The following PDXK variants were observed in gnomAD, a reference collection of about 807,000 sequenced individuals.
PDXK encodes epididymis secretory sperm binding protein Li 1a.
A neutral mutation model predicts 43.2 loss-of-function variants in PDXK; 15 were observed. The ratio of observed to expected loss-of-function variants is 0.35; its 90% CI spans 0.23 to 0.53. The LOEUF is 0.53. PDXK is among the 20% of genes least tolerant of loss of function. The pLI is 0.92. For missense variants in PDXK, 343 were observed against 417.0 expected (o/e 0.82, Z 1.54); for synonymous variants, 172 against 165.4 (o/e 1.04, Z -0.31).
chr21:43,752,002 T>G (rs1309479265), intron 7 of PDXK, among the ~76,000 whole-genome samples: 1 of 152,188 alleles, frequency 6.6e-6, no homozygotes, highest in East Asian at 1.9e-4. Context: ...CGGAGGCCTT[T>G]CGCTGACCTG....
chr21:43,752,857 T>G (rs1291626881), intron 8 of PDXK, among the ~76,000 whole-genome samples: 1 of 152,152 alleles, frequency 6.6e-6, no homozygotes, highest in Non-Finnish European at 1.5e-5. Flanking sequence ...CCCAGCATCA[T>G]AGGCCTCCCT....
intron 2 of PDXK, 64 bp from the exon 3 acceptor site, chr21:43,741,603 G>C (rs774461793): frequency 1.9e-6 from 3 of 1,589,536 alleles, no homozygotes; most frequent in Non-Finnish European, 2.6e-6. Flanking sequence ...CGGGTGTCAA[G>C]GGAAGCCCAC....
At position 43,735,867 on chromosome 21, in the gene PDXK, G is replaced by A. The variant is rs1010621668; in HGVS notation, c.142+1744G>A. Among the ~76,000 whole-genome samples the A allele has an allele frequency of 3.9e-5, 6 of 152,184 alleles. No homozygotes were observed. The highest frequency in any genetic ancestry group is 1.4e-4 in the African/African-American group (6 of 41,452). On this transcript the variant is annotated intron_variant, in intron 2 of 10. Coordinates refer to ENST00000291565, the MANE Select transcript of PDXK (RefSeq NM_003681.5). The surrounding 1 kb of genome is among the most constrained non-coding windows in gnomAD (Gnocchi z 5.3). ...AGGTGTCACTCTCCCCTGCACCGGGGCCCTTCTGCCTGCTCCCCTTCCCTC... is the reference window on the plus strand; with the variant it reads ...AGGTGTCACTCTCCCCTGCACCGGGACCCTTCTGCCTGCTCCCCTTCCCTC...
intron 2 of PDXK, among the ~76,000 whole-genome samples, chr21:43,739,995 G>A (rs1023471558): frequency 6.6e-5 from 10 of 151,852 alleles, no homozygotes; most frequent in Admixed American, 2.0e-4. Context: ...GCCCGCAGTG[G>A]ATACCACCTG....
intron 9 of PDXK, among the ~76,000 whole-genome samples, chr21:43,755,111 G>A (rs2299811): frequency 0.17 from 25,297 of 152,198 alleles, 2,335 homozygotes; most frequent in Middle Eastern, 0.31. Context: ...TCACATTCTG[G>A]GTTTGGCCAG....
intron 1 of PDXK, chr21:43,719,793 C>T: frequency 1.0e-6 from 1 of 985,468 alleles, no homozygotes; most frequent in Non-Finnish European, 1.2e-6. Context: ...CGGGACCTTG[C>T]CCCGCTGGAA....
chr21:43,748,410 C>G (rs954035700), intron 5 of PDXK: 1 of 152,256 alleles, frequency 6.6e-6, no homozygotes, highest in African/African-American at 2.4e-5. Context: ...TCGCTTGAAC[C>G]CAGGAGGTGG....
intron 1 of PDXK, among the ~76,000 whole-genome samples, chr21:43,725,864 CTCCT>C (rs1268370840): frequency 1.3e-5 from 2 of 152,072 alleles, no homozygotes; most frequent in Non-Finnish European, 2.9e-5. Context: ...AAAAGTGTGC[CTCCT>C]TCCTTCCTCC....
intron 2 of PDXK, chr21:43,738,176 A>AGCCCTGAT: frequency 2.6e-6 from 1 of 386,888 alleles, no homozygotes; most frequent in Non-Finnish European, 3.5e-6. Context: ...AGGTTAAAAG[A>AGCCCTGAT]GGCCATCAGG....
chr21:43,733,627 CT>C, intron 1 of PDXK: 1 of 1,043,898 alleles, frequency 9.6e-7, no homozygotes, highest in Non-Finnish European at 1.2e-6. Flanking sequence ...GGCCTGACTT[CT>C]TCCAAGGGGT....
rs2083632552 is a variant in PDXK, at chr21:43,746,004, G to C, written c.332-75G>C. 6 of 1,194,198 alleles carry C rather than the reference G, an allele frequency of 5.0e-6. No individual in the cohort carries two copies. The East Asian group carries it at 1.4e-4, about 28-fold the overall frequency. The allele number at this position is 1,194,198 out of a possible 1,614,324, so 74.0% of individuals were successfully genotyped here. A position where few individuals can be genotyped will look rare whatever the true frequency, so the allele number is the denominator to read the frequency against. On this transcript the variant is annotated intron_variant, in intron 4 of 10. Transcript: ENST00000291565. ...AGAGCAAGACCCTGTCTTAAAAAAA[G>C]AAGAAAGAAATGTGGAGGGTTTCTT...
intron 2 of PDXK, among the ~76,000 whole-genome samples, chr21:43,739,737 G>A (rs1027133275): frequency 6.6e-6 from 1 of 151,812 alleles, no homozygotes; most frequent in Non-Finnish European, 1.5e-5. Flanking sequence ...TGCAATTCAA[G>A]ATGAGATTTG....
At chr21:43,750,025 C>A (rs377635054) in intron 6 of PDXK, among the ~76,000 whole-genome samples, 1 of 152,204 alleles carries the variant, frequency 6.6e-6, no homozygotes, top group Non-Finnish European at 1.5e-5. Context: ...CTTGAGCCCC[C>A]CCATTCACGC....
Position 43,755,955 on chromosome 21 carries a change from G to T in PDXK, c.831G>T (p.Gln277His). ...TGCTCTCTGCCTGCCCCGCAGCCCAGGCCGGGGAAGGAGTGAGGCCCAGCC... is the reference window on the plus strand; with the variant it reads ...TGCTCTCTGCCTGCCCCGCAGCCCATGCCGGGGAAGGAGTGAGGCCCAGCC... ...LQRTIQCAKA[Q>H]AGEGVRPSPM... Residue 277 changes from glutamine to histidine, a missense_variant, in exon 11 of 11, where the codon CAG becomes CAT. Coordinates refer to ENST00000291565, the MANE Select transcript of PDXK (RefSeq NM_003681.5). 1 of 1,608,316 alleles carries T rather than the reference G, an allele frequency of 6.2e-7. No homozygotes were observed.
chr21:43,720,876 C>T (rs2083201219), intron 1 of PDXK, among the ~76,000 whole-genome samples: 1 of 152,184 alleles, frequency 6.6e-6, no homozygotes, highest in African/African-American at 2.4e-5. Flanking sequence ...TCCTCCCATC[C>T]ACCTCCTACT....
In PDXK at chr21:43,754,368, G is replaced by A. The variant is rs992435662; in HGVS notation, c.759+649G>A. On this transcript the variant is annotated intron_variant, in intron 9 of 10. Transcript: ENST00000291565. The surrounding 1 kb of genome is among the most constrained non-coding windows in gnomAD (Gnocchi z 5.5). ...GGGGTCTCGTGAGCCTTTCTCGTGT[G>A]TCCCATGGGTAAGCACACAGCTCAG... Among the ~76,000 whole-genome samples, 1 of 152,190 alleles carries A rather than the reference G, an allele frequency of 6.6e-6. No individual in the cohort carries two copies. The highest frequency in any genetic ancestry group is 1.5e-5 in the Non-Finnish European group (1 of 68,034).
chr21:43,741,499 G>A lies in PDXK; in HGVS notation c.143-168G>A, dbSNP rs1394577541. On this transcript the variant is annotated intron_variant, in intron 2 of 10. Transcript: ENST00000291565. Reference sequence around the variant, plus strand: ...GAGGCGTCCCATGTGGGCAGCCGTTGGGACCTGCCAAGCACTGCGCCTAGT... The same window carrying A: ...GAGGCGTCCCATGTGGGCAGCCGTTAGGACCTGCCAAGCACTGCGCCTAGT... 6.5e-6 allele frequency: 9 copies of A among 1,390,742 alleles called. No homozygotes were observed. The East Asian group carries it at 2.3e-4, about 36-fold the overall frequency. 86.2% of individuals were successfully genotyped at this position (1,390,742 alleles called of 1,614,324 possible).
chr21:43,749,014 T>C lies in PDXK; in HGVS notation c.398T>C (p.Leu133Pro). The change falls in exon 6 of 11, where the codon CTT (leucine) becomes CCT (proline). Residue 133 changes from leucine (L) to proline (P), a missense_variant. Transcript: ENST00000291565. ...GGCCAGTACGTCCCGGAGGACCTCC[T>C]TCCCGTCTACAAAGAAAAAGTGGTG... The part of the protein sequence containing the change: ...EGSMYVPEDL[L>P]PVYKEKVVPL... 4.3e-6 allele frequency: 7 copies of C among 1,611,520 alleles called. No individual in the cohort carries two copies. Among genetic ancestry groups the C allele is most frequent in the Non-Finnish European group, 5.9e-6 (7 of 1,177,734 alleles).
intron 7 of PDXK, 141 bp from the exon 8 acceptor site, chr21:43,752,377 G>A (rs373787070): frequency 8.4e-5 from 52 of 620,542 alleles, no homozygotes; most frequent in African/African-American, 4.4e-4. Context: ...CATTGGGAAC[G>A]GGCTCTGGGG....
Sources: allele counts gnomAD v4.1 joint callset (sites outside exome capture counted in the v4.1 genomes callset), GRCh38; gene constraint gnomAD v4.1.1; non-coding constraint Gnocchi (gnomAD v3.1); transcripts MANE v1.5; gene names NCBI Gene and HGNC (gene_info 2026-07-23, HGNC 2026-07-21).